LRIF1: variants seen among roughly 807,000 people sequenced by gnomAD.
LRIF1 encodes ligand-dependent nuclear receptor-interacting factor 1.
Under a neutral mutation model 52.7 loss-of-function variants are expected in LRIF1, and 32 were observed. The ratio of observed to expected loss-of-function variants is 0.61; its 90% confidence interval spans 0.46 to 0.82. LRIF1 has a LOEUF of 0.82. Ranked by LOEUF, LRIF1 falls within the 40% of genes least tolerant of loss-of-function variation. The pLI is 0.00. For synonymous variants in LRIF1, 323 were observed against 317.4 expected (o/e 1.02, Z -0.19); for missense variants, 887 against 892.0 (o/e 0.99, Z 0.07).
the LRIF1 span, among the ~76,000 whole-genome samples, chr1:110,913,039 A>T: frequency 2.0e-5 from 3 of 152,152 alleles, no homozygotes; most frequent in Non-Finnish European, 2.9e-5. Flanking sequence ...ATCTACAACC[A>T]TCTGATGTTT....
At chr1:110,944,212 G>A (rs1196523401), downstream of LRIF1, 2 of 152,158 alleles carry the variant, frequency 1.3e-5, no homozygotes, top group Non-Finnish European at 2.9e-5. Context: ...ATTTGTATTG[G>A]GTGTGAGGTG....
chr1:110,877,228 T>C, the LRIF1 span, among the ~76,000 whole-genome samples: 5 of 152,220 alleles, frequency 3.3e-5, no homozygotes, highest in Non-Finnish European at 7.3e-5. Context: ...AGAATGTTTC[T>C]CCATTTGGGT....
At chr1:110,897,411 C>T in the LRIF1 span, among the ~76,000 whole-genome samples, 1 of 152,216 alleles carries the variant, frequency 6.6e-6, no homozygotes, top group Admixed American at 6.5e-5. Context: ...CTTGGTAGGG[C>T]TATGATGGAT....
At chr1:110,887,911 A>G in the LRIF1 span, among the ~76,000 whole-genome samples, 1 of 152,234 alleles carries the variant, frequency 6.6e-6, no homozygotes, top group Non-Finnish European at 1.5e-5. Flanking sequence ...ATGACTTTGA[A>G]GTTGTGATTA....
chr1:110,934,621 A>G, the LRIF1 span, among the ~76,000 whole-genome samples: 1 of 152,160 alleles, frequency 6.6e-6, no homozygotes, highest in Non-Finnish European at 1.5e-5. Flanking sequence ...TGGAAAGGGG[A>G]AGGAAGAGTG....
chr1:110,928,928 A>G, the LRIF1 span, among the ~76,000 whole-genome samples: 1 of 152,340 alleles, frequency 6.6e-6, no homozygotes, highest in East Asian at 1.9e-4. Flanking sequence ...ATCACTAGAG[A>G]GTCTGAACAG....
At chr1:110,890,316 C>T in the LRIF1 span, among the ~76,000 whole-genome samples, 36 of 152,296 alleles carry the variant, frequency 2.4e-4, no homozygotes, top group African/African-American at 6.7e-4. Flanking sequence ...CCTGTAATCC[C>T]AGCACTTTGG....
At position 110,951,662 on chromosome 1, in the gene LRIF1, A is replaced by C. The variant is rs760912518; in HGVS notation, c.1222T>G (p.Ser408Ala). 40 of 1,613,914 alleles carry C rather than the reference A, an allele frequency of 2.5e-5. No homozygotes were observed. The highest frequency in any genetic ancestry group is 2.9e-5 in the Non-Finnish European group (34 of 1,180,016). ...AAAACAATATTTACAACCTCTCTGG[A>C]TATTTCTGTGACTGGACTTGAACTC... ...TVSSSPVTEI[S>A]REVVNIVLAK... Residue 408 changes from serine (S) to alanine (A), a missense_variant, in exon 2 of 4, where the codon TCC (serine) becomes GCC (alanine). Ser to Ala is a moderately conservative substitution (Grantham distance 99). Transcript: ENST00000369763.
chr1:110,934,632 G>A, the LRIF1 span, among the ~76,000 whole-genome samples: 2 of 152,294 alleles, frequency 1.3e-5, no homozygotes, highest in South Asian at 4.1e-4. Context: ...AGGAAGAGTG[G>A]GAAACACTGT....
chr1:110,962,061 TACACACACACAC>T (rs59351644), intron 1 of LRIF1, among the ~76,000 whole-genome samples: 2 of 143,790 alleles, frequency 1.4e-5, no homozygotes, highest in Admixed American at 7.0e-5. Context: ...GAGTTAAGGG[TACACACACACAC>T]ACACACACAC....
chr1:110,949,591 T>C (rs969285320), intron 3 of LRIF1, among the ~76,000 whole-genome samples: 3 of 151,966 alleles, frequency 2.0e-5, no homozygotes, highest in African/African-American at 7.3e-5. Context: ...AGCTAATTTT[T>C]GTATTTTTAG....
chr1:110,940,745 G>A, the LRIF1 span: 1 of 152,126 alleles, frequency 6.6e-6, no homozygotes, highest in Admixed American at 6.6e-5. Context: ...GACAAACATT[G>A]CATGTTCTCA....
chr1:110,946,141 ATAT>A (rs1354324596), downstream of LRIF1, among the ~76,000 whole-genome samples: 1 of 152,270 alleles, frequency 6.6e-6, no homozygotes, highest in East Asian at 1.9e-4. Context: ...CCATGATGGA[ATAT>A]TATTCAGCAA....
intron 1 of LRIF1, among the ~76,000 whole-genome samples, chr1:110,961,886 T>C (rs1658965362): frequency 6.6e-6 from 1 of 152,114 alleles, no homozygotes; most frequent in East Asian, 1.9e-4. Flanking sequence ...ATCTGGTAAA[T>C]GTCCCAAATA....
At chr1:110,925,278 G>A in the LRIF1 span, among the ~76,000 whole-genome samples, 1 of 152,100 alleles carries the variant, frequency 6.6e-6, no homozygotes, top group African/African-American at 2.4e-5. Context: ...CCTCAAAGAG[G>A]GAATTCTGCC....
the LRIF1 span, among the ~76,000 whole-genome samples, chr1:110,913,921 G>A: frequency 6.6e-6 from 1 of 152,094 alleles, no homozygotes; most frequent in Non-Finnish European, 1.5e-5. Context: ...ACTAGATAAA[G>A]AAAATGTGGT....
At chr1:110,888,525 T>A in the LRIF1 span, among the ~76,000 whole-genome samples, 1 of 152,220 alleles carries the variant, frequency 6.6e-6, no homozygotes, top group Non-Finnish European at 1.5e-5. Flanking sequence ...GACCATTATT[T>A]TATAGTCTAC....
chr1:110,942,844 A>T (rs1313702308), downstream of LRIF1, among the ~76,000 whole-genome samples: 3 of 152,146 alleles, frequency 2.0e-5, no homozygotes, highest in Admixed American at 6.5e-5. Flanking sequence ...TTCCAAGTAG[A>T]AATGTCAAGA....
the LRIF1 span, among the ~76,000 whole-genome samples, chr1:110,910,649 GCTCT>G: frequency 6.6e-6 from 1 of 152,006 alleles, no homozygotes; most frequent in African/African-American, 2.4e-5. Context: ...TACCAACCAT[GCTCT>G]CTAAGACCAC....
Sources: allele counts gnomAD v4.1 joint callset (sites outside exome capture counted in the v4.1 genomes callset), GRCh38; gene constraint gnomAD v4.1.1; transcripts MANE v1.5; gene names NCBI Gene and HGNC (gene_info 2026-07-23, HGNC 2026-07-21).